The following ZZZ3 variants were observed in gnomAD, a reference collection of about 807,000 sequenced individuals.
ZZZ3 encodes the protein zinc finger ZZ-type containing 3.
Under a neutral mutation model 95.2 loss-of-function variants are expected in ZZZ3, and 22 were observed. The observed-to-expected ratio is 0.23, with a 90% CI of 0.17 to 0.33. The LOEUF (loss-of-function observed/expected upper bound fraction) is 0.33, where lower values mean the gene tolerates loss of function less well. ZZZ3 is among the 10% of genes least tolerant of loss of function. The probability of loss-of-function intolerance (pLI) is 1.00; values close to 1 mark genes in which losing one functional copy is unlikely to be tolerated. For missense variants in ZZZ3, 885 were observed against 1,066.5 expected (o/e 0.83, Z 2.37); for synonymous variants, 335 against 358.9 (o/e 0.93, Z 0.75).
chr1:77,653,567 G>A lies in ZZZ3; in HGVS notation c.-402-11912C>T, dbSNP rs1383874011. On this transcript the variant is annotated intron_variant, in intron 1 of 14. Transcript: ENST00000370801. ...TCGGGAGTTCAAGACCAGCCTGACCGACATGGAGAAATCCTGTATCTACTA... is the reference window on the plus strand; with the variant it reads ...TCGGGAGTTCAAGACCAGCCTGACCAACATGGAGAAATCCTGTATCTACTA... Among the ~76,000 whole-genome samples the A allele has an allele frequency of 4.6e-5, 7 of 151,842 alleles. No homozygotes were observed. The South Asian group carries it at 1.0e-3, about 23-fold the overall frequency.
chr1:77,646,999 T>A (rs1669335496), intron 1 of ZZZ3, among the ~76,000 whole-genome samples: 1 of 151,982 alleles, frequency 6.6e-6, no homozygotes, highest in African/African-American at 2.4e-5. Flanking sequence ...TTGAGCTGAG[T>A]ATTGATCAGT....
upstream of ZZZ3, among the ~76,000 whole-genome samples, chr1:77,682,914 CAG>C (rs1184036166): frequency 2.6e-5 from 4 of 152,202 alleles, no homozygotes; most frequent in African/African-American, 7.2e-5. Flanking sequence ...ACTACATAAA[CAG>C]AGCGCAGTGC....
intron 8 of ZZZ3, 110 bp from the exon 9 acceptor site, chr1:77,581,179 G>C: frequency 1.1e-6 from 1 of 870,322 alleles, no homozygotes; most frequent in Admixed American, 2.2e-5. Flanking sequence ...CAAAATATTT[G>C]AGTAAATTTG....
At chr1:77,590,556 C>T (rs1241999716) in intron 5 of ZZZ3, among the ~76,000 whole-genome samples, 2 of 152,228 alleles carry the variant, frequency 1.3e-5, no homozygotes, top group Non-Finnish European at 2.9e-5. Context: ...CTATCTGGTC[C>T]TTTAAGAAAG....
At chr1:77,580,723 G>C (rs1238556765) in intron 9 of ZZZ3, 2 of 272,792 alleles carry the variant, frequency 7.3e-6, no homozygotes, top group Non-Finnish European at 1.4e-5. Context: ...TCTGCCTCCT[G>C]GGTTCAAGCA....
At chr1:77,575,428 G>A (rs1661830912) in intron 12 of ZZZ3, among the ~76,000 whole-genome samples, 1 of 152,162 alleles carries the variant, frequency 6.6e-6, no homozygotes, top group Non-Finnish European at 1.5e-5. Flanking sequence ...GAAAGTAAAC[G>A]TGAAGTAGTC....
chr1:77,611,270 C>G (rs1457019635), intron 5 of ZZZ3, among the ~76,000 whole-genome samples: 1 of 71,078 alleles, frequency 1.4e-5, no homozygotes, highest in African/African-American at 4.4e-5. Flanking sequence ...TGCAAAAAAA[C>G]ACAAAAACTC....
chr1:77,618,242 T>C (rs1373819440), intron 5 of ZZZ3, among the ~76,000 whole-genome samples: 1 of 131,634 alleles, frequency 7.6e-6, no homozygotes, highest in African/African-American at 2.8e-5. Flanking sequence ...CCTTTTTTTT[T>C]TTTTTTTTTT....
chr1:77,589,599 C>T (rs973341930), intron 5 of ZZZ3, among the ~76,000 whole-genome samples: 5 of 151,750 alleles, frequency 3.3e-5, no homozygotes, highest in Admixed American at 2.0e-4. Context: ...CCATTCCCAG[C>T]GAATTTTGTT....
rs1660497891 is a variant in ZZZ3 at position 77,562,489 on chromosome 1, ATTTATC to A, written c.*3145_*3150del. 3.3e-5 allele frequency: 5 copies of A among 152,220 alleles called. No individual in the cohort carries two copies. Among genetic ancestry groups the A allele is most frequent in the East Asian group, 3.9e-4 (2 of 5,188 alleles). 9.4% of individuals were successfully genotyped at this position (152,220 alleles called of 1,614,324 possible). A position where few individuals can be genotyped will look rare whatever the true frequency, so the allele number is the denominator to read the frequency against. ...TGAAAAAGACATTTCACAAAACAATATTTATCTTTATTACATGTGATGTACCATTTT... is the reference window on the plus strand; with the variant it reads ...TGAAAAAGACATTTCACAAAACAATATTTATTACATGTGATGTACCATTTT... On this transcript the variant is annotated 3_prime_UTR_variant, in exon 15 of 15. Transcript: ENST00000370801.
intron 5 of ZZZ3, among the ~76,000 whole-genome samples, chr1:77,618,629 T>C (rs1027009264): frequency 7.2e-5 from 11 of 152,200 alleles, no homozygotes; most frequent in African/African-American, 2.7e-4. Context: ...GCAAGATTGT[T>C]TGCTATCATT....
At chr1:77,571,997 AACTT>A (rs1661437314) in intron 12 of ZZZ3, among the ~76,000 whole-genome samples, 1 of 152,224 alleles carries the variant, frequency 6.6e-6, no homozygotes, top group Non-Finnish European at 1.5e-5. Flanking sequence ...AATCACTTTA[AACTT>A]ACTTAAAGGG....
chr1:77,630,795 CA>C (rs1431314096), intron 5 of ZZZ3, among the ~76,000 whole-genome samples: 6 of 151,670 alleles, frequency 4.0e-5, no homozygotes, highest in African/African-American at 7.3e-5. Context: ...CAATGCATGG[CA>C]AAAAAAATAT....
rs561678502 is a variant in ZZZ3 at position 77,649,278 on chromosome 1, G to A, written c.-402-7623C>T. Among the ~76,000 whole-genome samples the A allele has an allele frequency of 7.9e-5, 12 of 151,170 alleles. No homozygotes were observed. The South Asian group carries it at 2.5e-3, about 32-fold the overall frequency. ...AAAAACAACACATTACAGGCACAGAGAGAAAAATAAGAATGACAGCTGACT... is the reference window on the plus strand; with the variant it reads ...AAAAACAACACATTACAGGCACAGAAAGAAAAATAAGAATGACAGCTGACT... On this transcript the variant is annotated intron_variant, in intron 1 of 14. Transcript: ENST00000370801.
intron 5 of ZZZ3, among the ~76,000 whole-genome samples, chr1:77,596,337 A>G (rs987350885): frequency 6.6e-6 from 1 of 152,152 alleles, no homozygotes; most frequent in East Asian, 1.9e-4. Flanking sequence ...TAAAAACATC[A>G]GTAGTTCCTA....
chr1:77,636,631 T>G (rs1162505797), intron 4 of ZZZ3, among the ~76,000 whole-genome samples: 1 of 149,744 alleles, frequency 6.7e-6, no homozygotes, highest in East Asian at 2.0e-4. Context: ...GGAGGATCAC[T>G]TGAGCCTGGG....
intron 1 of ZZZ3, 131 bp from the exon 2 acceptor site, chr1:77,641,786 T>C: frequency 2.6e-6 from 1 of 381,812 alleles, no homozygotes; most frequent in South Asian, 1.5e-4. Context: ...AAGTAATTCC[T>C]TACATTTAGC....
chr1:77,570,953 G>A (rs1391302355), intron 12 of ZZZ3, among the ~76,000 whole-genome samples: 1 of 150,156 alleles, frequency 6.7e-6, no homozygotes, highest in East Asian at 2.0e-4. Context: ...TACAGCATGA[G>A]CCACTGCGCC....
At chr1:77,572,675 C>T (rs974176051) in intron 12 of ZZZ3, among the ~76,000 whole-genome samples, 2 of 151,906 alleles carry the variant, frequency 1.3e-5, no homozygotes, top group African/African-American at 2.4e-5. Flanking sequence ...CTCCCTCTGT[C>T]GCCCAGGCTG....
Sources: gnomAD v4.1 joint callset for allele counts (sites outside exome capture counted in the v4.1 genomes callset) on GRCh38, gnomAD v4.1.1 for gene constraint, MANE v1.5 for transcripts, NCBI Gene and HGNC (gene_info 2026-07-23, HGNC 2026-07-21) for gene names.